MAP3K20: variants seen among roughly 807,000 people sequenced by gnomAD.
The protein encoded by MAP3K20 is mitogen-activated protein kinase kinase kinase 20, also known as HCCS-4.
MAP3K20 carries 40 observed loss-of-function variants against 85.7 expected under a neutral mutation model. The ratio of observed to expected loss-of-function variants is 0.47; its 90% confidence interval spans 0.36 to 0.61. The LOEUF (loss-of-function observed/expected upper bound fraction) is 0.61. Ranked by LOEUF, MAP3K20 falls within the 20% of genes least tolerant of loss-of-function variation. The pLI, the probability that MAP3K20 is intolerant of heterozygous loss-of-function variation, is 0.00. For missense variants in MAP3K20, 817 were observed against 961.7 expected (o/e 0.85, Z 1.99); for synonymous variants, 325 against 327.7 (o/e 0.99, Z 0.09).
chr2:173,126,211 A>G (rs1435763193), intron 2 of MAP3K20, among the ~76,000 whole-genome samples: 1 of 152,214 alleles, frequency 6.6e-6, no homozygotes, highest in Non-Finnish European at 1.5e-5. Context: ...TAGGATTTAT[A>G]TAAATTAGAG....
At chr2:173,136,512 A>G (rs1688804316) in intron 2 of MAP3K20, among the ~76,000 whole-genome samples, 1 of 152,236 alleles carries the variant, frequency 6.6e-6, no homozygotes, top group Non-Finnish European at 1.5e-5. Flanking sequence ...GGAAAGAAGC[A>G]GAGGGTGAGA....
At chr2:173,155,885 C>T (rs924340969) in intron 2 of MAP3K20, among the ~76,000 whole-genome samples, 6 of 152,176 alleles carry the variant, frequency 3.9e-5, no homozygotes, top group Non-Finnish European at 8.8e-5. Flanking sequence ...TCCTCATCTT[C>T]CTTAGGATTC....
chr2:173,231,100 G>C (rs1684515086), intron 12 of MAP3K20, among the ~76,000 whole-genome samples: 1 of 152,168 alleles, frequency 6.6e-6, no homozygotes, highest in Admixed American at 6.5e-5. Context: ...AAAAACAAAA[G>C]ATGTAATGCC....
chr2:173,234,101 T>C lies in MAP3K20; in HGVS notation c.1203+1642T>C, dbSNP rs544236748. Among the ~76,000 whole-genome samples the C allele has an allele frequency of 1.2e-3, 184 of 152,322 alleles. No individual in the cohort carries two copies. In the Middle Eastern group the frequency reaches 0.017, roughly 14 times the overall value. On this transcript the variant is annotated intron_variant, in intron 14 of 19. Coordinates refer to ENST00000375213, the MANE Select transcript of MAP3K20 (RefSeq NM_016653.3). ...GTTTCAGAGCTCCAAAAAAGAAATTTTGTAAATCTTGTCCTATTTGGCAGA... is the reference window on the plus strand; with the variant it reads ...GTTTCAGAGCTCCAAAAAAGAAATTCTGTAAATCTTGTCCTATTTGGCAGA...
At chr2:173,152,067 AT>A (rs1267710563) in intron 2 of MAP3K20, among the ~76,000 whole-genome samples, 4 of 152,226 alleles carry the variant, frequency 2.6e-5, no homozygotes, top group African/African-American at 9.6e-5. Flanking sequence ...ATAGCCCATG[AT>A]TTTTTATCTC....
At position 173,182,896 on chromosome 2, in the gene MAP3K20, A is replaced by G. The variant is rs768558800; in HGVS notation, c.290A>G (p.Asn97Ser). ...TCACTCTATGATTACATTAACAGTA[A>G]CAGAAGTGAGGAGATGGATATGGAT... ...LGSLYDYINS[N>S]RSEEMDMDHI... The change falls in exon 4 of 20, where the codon AAC becomes AGC. Residue 97 changes from asparagine to serine, a missense_variant. Asn to Ser is a conservative substitution (Grantham distance 46, BLOSUM62 1). Coordinates refer to ENST00000375213, the MANE Select transcript of MAP3K20 (RefSeq NM_016653.3). 33 of 1,610,146 alleles carry G rather than the reference A, an allele frequency of 2.0e-5. No homozygotes were observed. The highest frequency in any genetic ancestry group is 2.8e-5 in the Non-Finnish European group (33 of 1,178,448).
chr2:173,162,915 A>G (rs962554409), intron 2 of MAP3K20, among the ~76,000 whole-genome samples: 1 of 152,064 alleles, frequency 6.6e-6, no homozygotes, highest in African/African-American at 2.4e-5. Context: ...TCAGAGAGAA[A>G]AGCCTGTTCT....
intron 1 of MAP3K20, among the ~76,000 whole-genome samples, chr2:173,089,261 A>G (rs1022496189): frequency 1.3e-5 from 2 of 151,376 alleles, no homozygotes; most frequent in Admixed American, 1.3e-4. Flanking sequence ...GCCAGTTCTT[A>G]ACGTTTTGGC....
chr2:173,085,646 C>T (rs1687123025), intron 1 of MAP3K20, among the ~76,000 whole-genome samples: 1 of 152,130 alleles, frequency 6.6e-6, no homozygotes, highest in Non-Finnish European at 1.5e-5. Flanking sequence ...TCTGCTCTAA[C>T]TTACCCTTCA....
intron 4 of MAP3K20, among the ~76,000 whole-genome samples, chr2:173,183,495 T>C (rs1574086335): frequency 6.6e-6 from 1 of 152,194 alleles, no homozygotes; most frequent in East Asian, 1.9e-4. Flanking sequence ...TTAAATATTT[T>C]TAATACACCA....
At chr2:173,112,788 T>A (rs755893881) in intron 2 of MAP3K20, among the ~76,000 whole-genome samples, 8 of 151,504 alleles carry the variant, frequency 5.3e-5, no homozygotes, top group Non-Finnish European at 1.2e-4. Context: ...GTAGATTATC[T>A]TTTTGATATG....
chr2:173,127,141 C>G (rs1362743988), intron 2 of MAP3K20, among the ~76,000 whole-genome samples: 1 of 152,124 alleles, frequency 6.6e-6, no homozygotes, highest in Non-Finnish European at 1.5e-5. Flanking sequence ...AAGGAGACCA[C>G]CCAGTGACCA....
intron 3 of MAP3K20, among the ~76,000 whole-genome samples, chr2:173,176,330 T>C (rs536464151): frequency 6.6e-6 from 1 of 152,236 alleles, no homozygotes; most frequent in African/African-American, 2.4e-5. Context: ...AAACATAACA[T>C]TGTATAAAGC....
intron 11 of MAP3K20, among the ~76,000 whole-genome samples, chr2:173,227,589 C>T (rs897117266): frequency 6.6e-6 from 1 of 152,176 alleles, no homozygotes; most frequent in Non-Finnish European, 1.5e-5. Flanking sequence ...CCCTAGGCAT[C>T]GTATTGGAGA....
At chr2:173,239,787 G>A (rs1427288435) in intron 16 of MAP3K20, among the ~76,000 whole-genome samples, 1 of 152,164 alleles carries the variant, frequency 6.6e-6, no homozygotes, top group Non-Finnish European at 1.5e-5. Context: ...ACCAGACTGT[G>A]TATACCACTC....
At chr2:173,140,503 A>G (rs1457967453) in intron 2 of MAP3K20, among the ~76,000 whole-genome samples, 1 of 152,000 alleles carries the variant, frequency 6.6e-6, no homozygotes, top group Non-Finnish European at 1.5e-5. Flanking sequence ...GGCATGCACC[A>G]CCACACCCGG....
At chr2:173,114,679 A>G (rs1416457125) in intron 2 of MAP3K20, among the ~76,000 whole-genome samples, 2 of 152,200 alleles carry the variant, frequency 1.3e-5, no homozygotes, top group African/African-American at 4.8e-5. Context: ...TTCACTCGAT[A>G]CAAAATTCTT....
intron 2 of MAP3K20, among the ~76,000 whole-genome samples, chr2:173,161,110 G>T (rs1689644227): frequency 6.6e-6 from 1 of 152,192 alleles, no homozygotes; most frequent in Non-Finnish European, 1.5e-5. Context: ...ACACGGCAAA[G>T]AAAACGTACA....
chr2:173,135,388 T>G (rs1352367797), intron 2 of MAP3K20, among the ~76,000 whole-genome samples: 1 of 152,174 alleles, frequency 6.6e-6, no homozygotes, highest in African/African-American at 2.4e-5. Flanking sequence ...TTCAACAGAT[T>G]AGAGCAGTGG....
Sources: gnomAD v4.1 joint callset for allele counts (sites outside exome capture counted in the v4.1 genomes callset) on GRCh38, gnomAD v4.1.1 for gene constraint, MANE v1.5 for transcripts, NCBI Gene and HGNC (gene_info 2026-07-23, HGNC 2026-07-21) for gene names.